LHFPL3: variants seen among roughly 807,000 people sequenced by gnomAD.
LHFPL3 encodes the protein LHFPL tetraspan subfamily member 3 protein.
LHFPL3 carries 5 observed loss-of-function variants against 19.3 expected under a neutral mutation model. That is an observed-to-expected ratio of 0.26 (90% CI 0.14 to 0.54). The LOEUF (loss-of-function observed/expected upper bound fraction) is 0.54, where lower values mean the gene tolerates loss of function less well. Among genes scored for constraint, LHFPL3 ranks in the 20% least tolerant of loss-of-function variants. The pLI is 0.94. For synonymous variants in LHFPL3, 133 were observed against 126.2 expected (o/e 1.05, Z -0.36); for missense variants, 249 against 307.4 (o/e 0.81, Z 1.42).
At chr7:104,784,847 T>C (rs1171202333) in intron 2 of LHFPL3, among the ~76,000 whole-genome samples, 4 of 152,180 alleles carry the variant, frequency 2.6e-5, no homozygotes, top group African/African-American at 9.7e-5. Flanking sequence ...ATCCCACTTA[T>C]GTGAGGGATC....
At chr7:104,719,970 G>A (rs905685834) in intron 1 of LHFPL3, among the ~76,000 whole-genome samples, 2 of 152,160 alleles carry the variant, frequency 1.3e-5, no homozygotes, top group East Asian at 1.9e-4. Context: ...TCCTATTTCC[G>A]AACCTGACCT....
At chr7:104,879,881 G>A (rs1404666281) in intron 2 of LHFPL3, among the ~76,000 whole-genome samples, 1 of 152,214 alleles carries the variant, frequency 6.6e-6, no homozygotes, top group Non-Finnish European at 1.5e-5. Flanking sequence ...CAGCTAGACA[G>A]AAGTCAATGC....
intron 1 of LHFPL3, among the ~76,000 whole-genome samples, chr7:104,427,920 C>G (rs1791879833): frequency 6.6e-6 from 1 of 152,218 alleles, no homozygotes; most frequent in Non-Finnish European, 1.5e-5. Flanking sequence ...ATATCACCGG[C>G]AGTCCCAAAT....
chr7:104,810,893 T>C (rs1312750674), intron 2 of LHFPL3, among the ~76,000 whole-genome samples: 1 of 152,244 alleles, frequency 6.6e-6, no homozygotes, highest in African/African-American at 2.4e-5. Flanking sequence ...TTTATCACTC[T>C]ATGGTGTTTA....
intron 1 of LHFPL3, among the ~76,000 whole-genome samples, chr7:104,546,100 T>G (rs1358529304): frequency 6.6e-6 from 1 of 152,172 alleles, no homozygotes; most frequent in African/African-American, 2.4e-5. Flanking sequence ...TCTCAGAATC[T>G]AGTTCTGAGC....
At chr7:104,606,332 T>A (rs1046572275) in intron 1 of LHFPL3, among the ~76,000 whole-genome samples, 1 of 152,224 alleles carries the variant, frequency 6.6e-6, no homozygotes, top group African/African-American at 2.4e-5. Context: ...CAGAAAGCAC[T>A]ATTGCTTTTA....
intron 1 of LHFPL3, among the ~76,000 whole-genome samples, chr7:104,426,215 A>G (rs1483484682): frequency 6.6e-6 from 1 of 151,966 alleles, no homozygotes; most frequent in Non-Finnish European, 1.5e-5. Flanking sequence ...TAAAGCTTTG[A>G]TTCTGGTGTT....
chr7:104,802,153 G>A (rs750211842), intron 2 of LHFPL3, among the ~76,000 whole-genome samples: 2 of 152,228 alleles, frequency 1.3e-5, no homozygotes, highest in Middle Eastern at 3.4e-3. Context: ...TATAGGAGGT[G>A]ATTAAACCAT....
intron 2 of LHFPL3, among the ~76,000 whole-genome samples, chr7:104,752,259 C>A (rs1397180491): frequency 2.6e-5 from 4 of 152,140 alleles, no homozygotes; most frequent in African/African-American, 9.7e-5. Context: ...GTTGACTGAG[C>A]CATTACCGGC....
chr7:104,810,269 G>C (rs961760566), intron 2 of LHFPL3, among the ~76,000 whole-genome samples: 3 of 152,182 alleles, frequency 2.0e-5, no homozygotes, highest in African/African-American at 7.2e-5. Flanking sequence ...GCAATGAGAA[G>C]CCATTGCAGG....
At chr7:104,667,738 C>T (rs2116020145) in intron 1 of LHFPL3, 1 of 1,557,902 alleles carries the variant, frequency 6.4e-7, no homozygotes, top group Non-Finnish European at 8.8e-7. Flanking sequence ...AAAAGCTTTC[C>T]CTCTGCCAAC....
At chr7:104,839,795 T>C (rs1178966227) in intron 2 of LHFPL3, among the ~76,000 whole-genome samples, 2 of 152,226 alleles carry the variant, frequency 1.3e-5, no homozygotes, top group African/African-American at 4.8e-5. Context: ...AGGTTGGCTA[T>C]ATTACTCATA....
intron 1 of LHFPL3, among the ~76,000 whole-genome samples, chr7:104,655,135 C>A (rs1236813073): frequency 6.6e-6 from 1 of 152,180 alleles, no homozygotes; most frequent in Non-Finnish European, 1.5e-5. Context: ...CTAGACTTGG[C>A]AAAGTACAGT....
chr7:104,437,656 G>C (rs1167664889), intron 1 of LHFPL3, among the ~76,000 whole-genome samples: 3 of 152,134 alleles, frequency 2.0e-5, no homozygotes, highest in Non-Finnish European at 4.4e-5. Context: ...CAGAGCTCAG[G>C]AAACTGTTTT....
intron 1 of LHFPL3, among the ~76,000 whole-genome samples, chr7:104,536,964 C>G (rs1013965710): frequency 1.3e-5 from 2 of 152,204 alleles, no homozygotes; most frequent in Admixed American, 1.3e-4. Flanking sequence ...ATGTCATGGA[C>G]TATTTAATCT....
intron 2 of LHFPL3, among the ~76,000 whole-genome samples, chr7:104,842,559 G>C (rs1791234939): frequency 6.6e-6 from 1 of 152,160 alleles, no homozygotes. Flanking sequence ...GACAGTCCAG[G>C]GGATGTGGCA....
intron 2 of LHFPL3, among the ~76,000 whole-genome samples, chr7:104,786,240 C>T (rs1044992505): frequency 3.3e-5 from 5 of 152,158 alleles, no homozygotes; most frequent in Admixed American, 2.6e-4. Context: ...TAAAATTCAG[C>T]GACCCGCTTG....
chr7:104,847,563 T>G (rs1233836565), intron 2 of LHFPL3, among the ~76,000 whole-genome samples: 2 of 152,188 alleles, frequency 1.3e-5, no homozygotes, highest in East Asian at 3.8e-4. Flanking sequence ...CAGACTGGAG[T>G]GCAGTGGCAC....
At chr7:104,498,935 C>A (rs1335862057) in intron 1 of LHFPL3, among the ~76,000 whole-genome samples, 1 of 152,142 alleles carries the variant, frequency 6.6e-6, no homozygotes, top group African/African-American at 2.4e-5. Flanking sequence ...CCTATTCTTC[C>A]TTTGAAGACC....
Sources: gnomAD v4.1 joint callset for allele counts (sites outside exome capture counted in the v4.1 genomes callset) on GRCh38, gnomAD v4.1.1 for gene constraint, MANE v1.5 for transcripts, NCBI Gene and HGNC (gene_info 2026-07-23, HGNC 2026-07-21) for gene names.